The following CR1 variants were observed in gnomAD, a reference collection of about 807,000 sequenced individuals.
CR1 encodes the protein complement receptor type 1.
CR1 carries 116 observed loss-of-function variants against 187.3 expected under a neutral mutation model. That is an observed-to-expected ratio of 0.62 (90% CI 0.53 to 0.72). The LOEUF is 0.72. Among genes scored for constraint, CR1 ranks in the 30% least tolerant of loss-of-function variants. The pLI is 0.00. For synonymous variants in CR1, 576 were observed against 747.1 expected, an observed-to-expected ratio of 0.77 and a Z score of 3.73; for missense variants, 1,731 against 2,110.7, an observed-to-expected ratio of 0.82 and a Z score of 3.52.
At chr1:207,625,581 A>G (rs1662454992) in intron 45 of CR1, among the ~76,000 whole-genome samples, 2 of 152,266 alleles carry the variant, frequency 1.3e-5, no homozygotes, top group South Asian at 4.1e-4. Flanking sequence ...GAGATGAATT[A>G]ATACAAGGCC....
intron 3 of CR1, chr1:207,507,040 G>C: frequency 2.2e-6 from 1 of 445,714 alleles, no homozygotes; most frequent in Non-Finnish European, 4.0e-6. Context: ...TATATGAAAA[G>C]TGTGGCATTC....
chr1:207,617,507 A>ATATATATATATATATATATG (rs1332301171), intron 41 of CR1, among the ~76,000 whole-genome samples: 10 of 47,024 alleles, frequency 2.1e-4, no homozygotes, highest in South Asian at 6.5e-4. Flanking sequence ...ATATATATAT[A>ATATATATATATATATATATG]TGTGTGTGTG....
chr1:207,511,818 T>C (rs1659629555), intron 4 of CR1, among the ~76,000 whole-genome samples, 164 bp downstream of exon 4: 1 of 152,222 alleles, frequency 6.6e-6, no homozygotes, highest in African/African-American at 2.4e-5. Context: ...GGCAACTCTT[T>C]CTTTAAGTTC....
rs55704352 is a variant in CR1, at chr1:207,614,409, G to A, written c.6581G>A (p.Arg2194Gln). 55 of 1,608,992 alleles carry A rather than the reference G, an allele frequency of 3.4e-5. 1 individual carries two copies. The highest frequency in any genetic ancestry group is 4.4e-5 in the South Asian group (4 of 91,038). Residue 2194 changes from arginine to glutamine, a missense_variant, in exon 40 of 47, where the codon CGA becomes CAA. This residue lies in a region of CR1 where 1,312 missense variants were observed against 1,379.6 expected (regional missense o/e 0.95). Coordinates refer to ENST00000367049, the MANE Select transcript of CR1 (RefSeq NM_000651.6). Reference sequence around the variant, plus strand: ...ACCACTTTTTTTTTCTTTAGGTTCCGATTAAAAGGCAGGTCTGCTAGTCAT... The same window carrying A: ...ACCACTTTTTTTTTCTTTAGGTTCCAATTAAAAGGCAGGTCTGCTAGTCAT... ...KVSFVCDEGF[R>Q]LKGRSASHCV...
Position 207,609,525 on chromosome 1 carries a change from A to G in CR1, c.6132A>G (p.Pro2044=), listed in dbSNP as rs1011915104. ...TTTCTACTAATAAATGCACAGCTCCAGAAGTTGAAAATGCAATTAGAGTAC... is the reference window on the plus strand; with the variant it reads ...TTTCTACTAATAAATGCACAGCTCCGGAAGTTGAAAATGCAATTAGAGTAC... ...RCISTNKCTA[P]EVENAIRVPG... Residue 2044 remains proline, a synonymous_variant, in exon 37 of 47, where the codon CCA becomes CCG. Transcript: ENST00000367049. 1.1e-5 allele frequency: 17 copies of G among 1,613,868 alleles called. No individual in the cohort carries two copies. The highest frequency in any genetic ancestry group is 1.4e-5 in the Non-Finnish European group (16 of 1,179,882).
At chr1:207,595,701 C>A (rs1242482410) in intron 35 of CR1, among the ~76,000 whole-genome samples, 2 of 150,942 alleles carry the variant, frequency 1.3e-5, no homozygotes, top group Non-Finnish European at 3.0e-5. Context: ...AAAACTCCCA[C>A]AAAGCTGTGG....
chr1:207,616,951 G>A (rs78853272), intron 41 of CR1, 149 bp downstream of exon 41: 23 of 1,196,338 alleles, frequency 1.9e-5, no homozygotes, highest in South Asian at 6.4e-5. Flanking sequence ...AATGACAAAC[G>A]GGTTATAGAT....
intron 46 of CR1, 55 bp downstream of exon 46, chr1:207,630,676 T>C: frequency 2.4e-6 from 3 of 1,266,718 alleles, no homozygotes; most frequent in African/African-American, 1.5e-5. Flanking sequence ...ATATCAAAAA[T>C]GGAAACAGGA....
At position 207,611,935 on chromosome 1, in the gene CR1, C is replaced by A. The variant is rs371508326; in HGVS notation, c.6473-4C>A. 4 of 1,613,772 alleles carry A rather than the reference C, an allele frequency of 2.5e-6. No individual in the cohort carries two copies. In the South Asian group the frequency reaches 3.3e-5, roughly 13 times the overall value. ...TACTCCTGTTGTTTTATTTTTTCTT[C>A]TAGTGAAATCCTGTGATGACTTCCT... On this transcript the variant is annotated splice_polypyrimidine_tract_variant and splice_region_variant and intron_variant, in intron 38 of 46. Coordinates refer to ENST00000367049, the MANE Select transcript of CR1 (RefSeq NM_000651.6).
intron 42 of CR1, among the ~76,000 whole-genome samples, 182 bp downstream of exon 42, chr1:207,618,429 C>T (rs1447931917): frequency 2.6e-5 from 4 of 152,210 alleles, no homozygotes; most frequent in Admixed American, 6.5e-5. Context: ...TTTGCATGGT[C>T]GATAGCAGTG....
In CR1 at chr1:207,623,008, C is replaced by T. The variant is rs768897573; in HGVS notation, c.7292C>T (p.Thr2431Met). ...DALIVGTLSG[T>M]IFFILLIIFL... is the part of the protein sequence containing the mutation. Reference sequence around the variant, plus strand: ...TACTGCCTAGGCACTTTATCTGGTACGATCTTCTTTATTTTACTCATCATT... The same window carrying T: ...TACTGCCTAGGCACTTTATCTGGTATGATCTTCTTTATTTTACTCATCATT... Residue 2431 changes from threonine (T) to methionine (M), a missense_variant, in exon 45 of 47, where the codon ACG becomes ATG. Physicochemically the swap from Thr to Met is moderately conservative, Grantham distance 81. Transcript: ENST00000367049. 21 of 1,575,502 alleles carry T rather than the reference C, an allele frequency of 1.3e-5. No homozygotes were observed. Among genetic ancestry groups the T allele is most frequent in the South Asian group, 3.5e-5 (3 of 86,234 alleles).
intron 23 of CR1, among the ~76,000 whole-genome samples, chr1:207,564,866 G>A (rs1255767220): frequency 6.7e-6 from 1 of 150,312 alleles, no homozygotes; most frequent in Non-Finnish European, 1.5e-5. Context: ...AGGAAAAATT[G>A]CAAGTAATGA....
intron 41 of CR1, among the ~76,000 whole-genome samples, chr1:207,617,735 T>C (rs1662191973): frequency 6.7e-6 from 1 of 150,300 alleles, no homozygotes; most frequent in Non-Finnish European, 1.5e-5. Flanking sequence ...ACCTGACAAC[T>C]GTAGGCACAT....
chr1:207,589,539 C>A (rs1197241505), intron 35 of CR1, among the ~76,000 whole-genome samples: 1 of 152,126 alleles, frequency 6.6e-6, no homozygotes, highest in Non-Finnish European at 1.5e-5. Context: ...TTCCCGAAAC[C>A]AGAATGCCTC....
intron 27 of CR1, among the ~76,000 whole-genome samples, chr1:207,573,529 T>C (rs1660642798): frequency 1.3e-5 from 2 of 152,018 alleles, no homozygotes; most frequent in Admixed American, 1.3e-4. Context: ...AGGAAATACA[T>C]GTAAAAGAGA....
At chr1:207,572,504 T>C (rs4515788) in intron 27 of CR1, among the ~76,000 whole-genome samples, 20,392 of 151,466 alleles carry the variant, frequency 0.13, 4,734 homozygotes, top group African/African-American at 0.47. Context: ...AGTATGACTT[T>C]GTTTAGACAT....
intron 37 of CR1, among the ~76,000 whole-genome samples, chr1:207,610,232 A>G (rs1164324924): frequency 6.6e-6 from 1 of 152,140 alleles, no homozygotes; most frequent in African/African-American, 2.4e-5. Flanking sequence ...ACAAATATAT[A>G]TATATGTATA....
At chr1:207,509,568 C>T (rs747635477) in intron 3 of CR1, among the ~76,000 whole-genome samples, 28 of 152,084 alleles carry the variant, frequency 1.8e-4, no homozygotes, top group Non-Finnish European at 4.0e-4. Context: ...GATCAGTGAA[C>T]ATAAAGTTAT....
Position 207,612,976 on chromosome 1 carries a change from G to A in CR1, c.6575+935G>A, listed in dbSNP as rs140056133. ...GCTTAACAGCTCTGTCAATCCTGTC[G>A]CCCCACATCTCCTGTCGCCCAGCTC... On this transcript the variant is annotated intron_variant, in intron 39 of 46. Transcript: ENST00000367049. Among the ~76,000 whole-genome samples, 194 of 152,286 alleles carry A rather than the reference G, an allele frequency of 1.3e-3. 1 individual carries two copies. The highest frequency in any genetic ancestry group is 7.7e-3 in the South Asian group (37 of 4,824).
Sources: gnomAD v4.1 joint callset for allele counts (sites outside exome capture counted in the v4.1 genomes callset) on GRCh38, gnomAD v4.1.1 for gene constraint, gnomAD v4.1.1 regional missense constraint, MANE v1.5 for transcripts, NCBI Gene and HGNC (gene_info 2026-07-23, HGNC 2026-07-21) for gene names.